Variants in DDB1 observed in about 807,000 individuals in gnomAD.
DDB1 encodes the protein damage specific DNA binding protein 1, also known as DNA damage-binding protein 1.
DDB1 carries 18 observed loss-of-function variants against 133.1 expected under a neutral mutation model. That is an observed-to-expected ratio of 0.14 (90% CI 0.09 to 0.20). The LOEUF is 0.20. Ranked by LOEUF, DDB1 falls within the 10% of genes least tolerant of loss-of-function variation. DDB1 has a pLI of 1.00. For missense variants in DDB1, 828 were observed against 1,459.2 expected (o/e 0.57, Z 7.05); for synonymous variants, 580 against 550.5 (o/e 1.05, Z -0.75).
chr11:61,326,673 T>C (rs1436893006), intron 5 of DDB1, 106 bp downstream of exon 5: 2 of 870,228 alleles, frequency 2.3e-6, no homozygotes, highest in South Asian at 2.6e-5. Flanking sequence ...ACACCTTCAA[T>C]AATACCGAGC....
At chr11:61,326,076 C>G (rs1856264874) in intron 5 of DDB1, 1 of 314,894 alleles carries the variant, frequency 3.2e-6, no homozygotes, top group Non-Finnish European at 6.1e-6. Context: ...CTTAGCTTAA[C>G]TTCCCCCCAT....
At position 61,302,220 on chromosome 11, in the gene DDB1, G is replaced by A. The variant is rs1485123971; in HGVS notation, c.3215+37C>T. 8 of 1,574,534 alleles carry A rather than the reference G, an allele frequency of 5.1e-6. 1 individual carries two copies. Among genetic ancestry groups the A allele is most frequent in the Non-Finnish European group, 5.2e-6 (6 of 1,143,928 alleles). ...CTCCGTGTGCCACATATGCCGGGAT[G>A]TGCTTCCCAGCAAGGGGATGGCTCT... is the stretch of plus-strand genomic sequence containing the variant. On this transcript the variant is annotated intron_variant, in intron 25 of 26. Coordinates refer to ENST00000301764, the MANE Select transcript of DDB1 (RefSeq NM_001923.5).
At position 61,316,316 on chromosome 11, in the gene DDB1, C is replaced by T. The variant is rs1302230630; in HGVS notation, c.1379G>A (p.Cys460Tyr). The T allele has an allele frequency of 6.2e-7, 1 of 1,614,214 alleles. No homozygotes were observed. ...GFVDDQQTFF[C>Y]GNVAHQQLIQ... is the part of the protein sequence containing the mutation. ...AAGCTGCTGATGAGCCACGTTGCCACAGAAGAAAGTCTGCTGATCATCCAC... is the reference window on the plus strand; with the variant it reads ...AAGCTGCTGATGAGCCACGTTGCCATAGAAGAAAGTCTGCTGATCATCCAC... Residue 460 changes from cysteine (C) to tyrosine (Y), a missense_variant, in exon 12 of 27, where the codon TGT (cysteine) becomes TAT (tyrosine). Cys to Tyr is a radical substitution (Grantham distance 194, BLOSUM62 -2). Around this residue, in one of 7 missense-constraint regions of DDB1, gnomAD observed 396 missense variants for 554.1 expected, o/e 0.71. Transcript: ENST00000301764.
In DDB1 at chr11:61,302,748, A is replaced by G. The variant is rs1261351977; in HGVS notation, c.2946T>C (p.Ala982=). 3 of 1,614,208 alleles carry G rather than the reference A, an allele frequency of 1.9e-6. No individual in the cohort carries two copies. The highest frequency in any genetic ancestry group is 2.5e-6 in the Non-Finnish European group (3 of 1,180,014). Residue 982 remains alanine, a synonymous_variant, in exon 24 of 27, where the codon GCT becomes GCC. Coordinates refer to ENST00000301764, the MANE Select transcript of DDB1 (RefSeq NM_001923.5). ...GCTGCCGCTCCTCGTCAGTGGTGGC[A>G]GCGCTGAAAGGCGGTAAGAAAGTCA... ...FNLFVCQKDS[A]ATTDEERQHL... is the part of the protein sequence containing the mutation.
In DDB1 at chr11:61,303,025, C is replaced by T. The variant is rs199927969; in HGVS notation, c.2942+21G>A. ...GAACTCCCAGCCCTCCCCACCACTC[C>T]CAGAGCTGGCCACTACTCACCTATC... On this transcript the variant is annotated intron_variant, in intron 23 of 26. Coordinates refer to ENST00000301764, the MANE Select transcript of DDB1 (RefSeq NM_001923.5). The T allele has an allele frequency of 3.2e-5, 51 of 1,607,686 alleles. 1 individual carries two copies. In the Middle Eastern group the frequency reaches 1.3e-3, roughly 42 times the overall value.
intron 12 of DDB1, 61 bp from the exon 13 acceptor site, chr11:61,314,547 G>C: frequency 2.6e-6 from 4 of 1,523,118 alleles, no homozygotes; most frequent in South Asian, 1.3e-5. Context: ...CACAGGAGTG[G>C]AAAGGTGGTA....
At chr11:61,306,065 C>T (rs1393498494) in intron 21 of DDB1, among the ~76,000 whole-genome samples, 2 of 152,196 alleles carry the variant, frequency 1.3e-5, no homozygotes, top group Non-Finnish European at 2.9e-5. Context: ...TTCAGAATGA[C>T]ATACATCGCT....
chr11:61,316,944 T>G (rs1317753288), intron 10 of DDB1, among the ~76,000 whole-genome samples: 17 of 14,766 alleles, frequency 1.2e-3, no homozygotes, highest in Admixed American at 1.7e-3. Context: ...AAAAAAAGGA[T>G]AGATATATAT....
intron 10 of DDB1, among the ~76,000 whole-genome samples, chr11:61,317,941 T>C (rs529066574): frequency 6.6e-4 from 101 of 152,314 alleles, no homozygotes; most frequent in Non-Finnish European, 1.3e-3. Flanking sequence ...GATCTTGCTA[T>C]GTTGCTCCAG....
At chr11:61,316,653 G>A in intron 10 of DDB1, 86 bp from the exon 11 acceptor site, 1 of 1,371,122 alleles carries the variant, frequency 7.3e-7, no homozygotes, top group South Asian at 1.2e-5. Context: ...CAGGGGCAGT[G>A]GCTCATGCCT....
chr11:61,312,982 T>A (rs1171200236), intron 16 of DDB1, among the ~76,000 whole-genome samples: 1 of 152,112 alleles, frequency 6.6e-6, no homozygotes. Flanking sequence ...CTGGCTAATT[T>A]TTGTATTTTT....
chr11:61,300,356 G>A (rs1025438141), intron 26 of DDB1, 137 bp from the exon 27 acceptor site: 8 of 858,670 alleles, frequency 9.3e-6, no homozygotes, highest in South Asian at 1.5e-5. Context: ...AGAAACCCAC[G>A]CCTCCCCCTG....
rs537375624 is a variant in DDB1 at position 61,322,106 on chromosome 11, A to C, written c.1122+190T>G. 12 of 617,416 alleles carry C rather than the reference A, an allele frequency of 1.9e-5. No individual in the cohort carries two copies. The East Asian group carries it at 3.1e-4, about 16-fold the overall frequency. The allele number at this position is 617,416 out of a possible 1,614,324, so 38.2% of individuals were successfully genotyped here. A position where few individuals can be genotyped will look rare whatever the true frequency, so the allele number is the denominator to read the frequency against. ...TAGGGTACTTGTGTAATTAGAGATA[A>C]TGTATATAAAGTGCCTGGCAGACCA... On this transcript the variant is annotated intron_variant, in intron 9 of 26. Coordinates refer to ENST00000301764, the MANE Select transcript of DDB1 (RefSeq NM_001923.5).
chr11:61,324,866 C>T (rs1216378304), intron 6 of DDB1, among the ~76,000 whole-genome samples: 2 of 152,122 alleles, frequency 1.3e-5, no homozygotes, highest in Admixed American at 6.6e-5. Context: ...GCCAAAATTA[C>T]GGCTGGGCAC....
intron 22 of DDB1, 31 bp from the exon 23 acceptor site, chr11:61,303,186 A>T (rs1401389405): frequency 1.2e-6 from 2 of 1,600,518 alleles, no homozygotes; most frequent in Admixed American, 3.3e-5. Flanking sequence ...AGAAGAAAGC[A>T]TAATCAGCAG....
At chr11:61,301,067 T>C in intron 25 of DDB1, 135 bp from the exon 26 acceptor site, 1 of 1,326,526 alleles carries the variant, frequency 7.5e-7, no homozygotes, top group East Asian at 2.4e-5. Flanking sequence ...GCCTTGCTTT[T>C]ATTTGGACAT....
At chr11:61,309,184 C>T in intron 20 of DDB1, 107 bp from the exon 21 acceptor site, 9 of 1,021,142 alleles carry the variant, frequency 8.8e-6, no homozygotes, top group Non-Finnish European at 1.4e-5. Flanking sequence ...CCCAAAACCA[C>T]TCATCTAAAA....
Position 61,324,045 on chromosome 11 carries a change from C to G in DDB1, c.855G>C (p.Leu285Phe), listed in dbSNP as rs1362665458. The G allele has an allele frequency of 6.2e-7, 1 of 1,614,056 alleles. No homozygotes were observed. Among genetic ancestry groups the G allele is most frequent in the East Asian group, 2.2e-5 (1 of 44,896 alleles). ...TGCCATCCATCTGTTCCTCCTTCTC[C>G]AAAAGCAGCATGAAGAGCCGGCCTT... Reference protein sequence around the residue: ...DMEGRLFMLLLEKEEQMDGTV... With the variant: ...DMEGRLFMLLFEKEEQMDGTV... The change falls in exon 7 of 27, where the codon TTG becomes TTC. Residue 285 changes from leucine to phenylalanine, a missense_variant. Around this residue, in one of 7 missense-constraint regions of DDB1, gnomAD observed 35 missense variants for 57.5 expected, o/e 0.61. Transcript: ENST00000301764.
chr11:61,322,201 T>C (rs940139525), intron 9 of DDB1, 95 bp downstream of exon 9: 103 of 999,156 alleles, frequency 1.0e-4, no homozygotes, highest in Non-Finnish European at 1.4e-4. Flanking sequence ...TTAAAAGTAT[T>C]TTCAGTGCAC....
Sources: allele counts gnomAD v4.1 joint callset (sites outside exome capture counted in the v4.1 genomes callset), GRCh38; gene constraint gnomAD v4.1.1; regional missense constraint gnomAD v4.1.1; transcripts MANE v1.5; gene names NCBI Gene and HGNC (gene_info 2026-07-23, HGNC 2026-07-21).